The following RFXANK variants were observed in gnomAD, a reference collection of about 807,000 sequenced individuals.
RFXANK encodes DNA-binding protein RFXANK.
In RFXANK, 19 loss-of-function variants were observed where a neutral mutation model predicts 34.5. The ratio of observed to expected loss-of-function variants is 0.55; its 90% CI spans 0.38 to 0.81. The LOEUF (loss-of-function observed/expected upper bound fraction) is 0.81. Ranked by LOEUF, RFXANK falls within the 30% of genes least tolerant of loss-of-function variation. The probability of loss-of-function intolerance (pLI) is 0.00; values close to 1 mark genes in which losing one functional copy is unlikely to be tolerated. For synonymous variants in RFXANK, 154 were observed against 149.8 expected, an observed-to-expected ratio of 1.03 and a Z score of -0.20; for missense variants, 295 against 343.5, an observed-to-expected ratio of 0.86 and a Z score of 1.12.
rs774635371 is a variant in RFXANK at position 19,194,108 on chromosome 19, G to A, written c.162G>A (p.Pro54=). Residue 54 remains proline (P), a synonymous_variant, in exon 3 of 10, where the codon CCG becomes CCA. Transcript: ENST00000303088. ...PCTPEPVNPE[P]DASVSSPQAG... ...CCCCTGAGCCTGTGAATCCTGAACC[G>A]GATGCCAGTGTTTCCTCTCCACAGG... The A allele has an allele frequency of 9.9e-6, 16 of 1,614,156 alleles. No individual in the cohort carries two copies. The highest frequency in any genetic ancestry group is 3.3e-5 in the South Asian group (3 of 91,080).
chr19:19,198,025 AAAGAT>A, intron 6 of RFXANK, 77 bp from the exon 7 acceptor site: 3 of 1,560,752 alleles, frequency 1.9e-6, no homozygotes, highest in East Asian at 4.5e-5. Context: ...AAAAAAAAAA[AAAGAT>A]GCGGCTGCTG....
At position 19,197,560 on chromosome 19, in the gene RFXANK, C is replaced by G; in HGVS notation, c.377C>G (p.Thr126Ser). 5 of 1,613,866 alleles carry G rather than the reference C, an allele frequency of 3.1e-6. No individual in the cohort carries two copies. In the South Asian group the frequency reaches 4.4e-5, roughly 14 times the overall value. The change falls in exon 6 of 10, where the codon ACC (threonine) becomes AGC (serine). Residue 126 changes from threonine to serine, a missense_variant. Thr to Ser is a moderately conservative substitution (Grantham distance 58). Coordinates refer to ENST00000303088, the MANE Select transcript of RFXANK (RefSeq NM_003721.4). ...LVNKPDERGFTPLIWASAFGE... is the reference protein window; with the variant it reads ...LVNKPDERGFSPLIWASAFGE... ...AACAAGCCAGACGAGCGCGGCTTCACCCCCCTCATCTGGGCCTCCGCCTTT... is the reference window on the plus strand; with the variant it reads ...AACAAGCCAGACGAGCGCGGCTTCAGCCCCCTCATCTGGGCCTCCGCCTTT...
At chr19:19,197,100 T>C in intron 4 of RFXANK, 54 bp downstream of exon 4, 1 of 1,611,178 alleles carries the variant, frequency 6.2e-7, no homozygotes, top group Non-Finnish European at 8.5e-7. Context: ...TGGGAGGGCC[T>C]GTGAGGAGCA....
chr19:19,193,290 A>G (rs2060523979), intron 2 of RFXANK, among the ~76,000 whole-genome samples, 190 bp downstream of exon 2: 1 of 151,252 alleles, frequency 6.6e-6, no homozygotes, highest in Non-Finnish European at 1.5e-5. Flanking sequence ...TCATTTCCAC[A>G]TTTTGTCGTG....
intron 8 of RFXANK, chr19:19,198,937 C>A (rs1293337786): frequency 2.7e-6 from 2 of 745,114 alleles, no homozygotes; most frequent in South Asian, 2.9e-5. Flanking sequence ...AGAGGCTAAG[C>A]ACCTCCATCC....
chr19:19,196,686 G>A (rs1003863091), intron 3 of RFXANK, among the ~76,000 whole-genome samples: 7 of 151,962 alleles, frequency 4.6e-5, no homozygotes, highest in Non-Finnish European at 1.0e-4. Flanking sequence ...CCAACATAGC[G>A]AAACCCCGTC....
In RFXANK at chr19:19,197,015, C is replaced by T. The variant is rs754519730; in HGVS notation, c.240C>T (p.Asn80=). 1.2e-5 allele frequency: 19 copies of T among 1,613,554 alleles called. No homozygotes were observed. In the East Asian group the frequency reaches 1.3e-4, roughly 11 times the overall value. ...STTLTNRQRG[N]EVSALPATLD... ...CTCTCACCAACCGGCAGCGAGGGAA[C>T]GAGGTGTCAGCTCTGCCGGCCACCC... is the stretch of plus-strand genomic sequence containing the variant. Residue 80 remains asparagine, a synonymous_variant, in exon 4 of 10, where the codon AAC becomes AAT. Transcript: ENST00000303088.
intron 1 of RFXANK, 44 bp downstream of exon 1, chr19:19,192,598 T>C: frequency 6.2e-6 from 1 of 161,460 alleles, no homozygotes; most frequent in Non-Finnish European, 1.4e-5. Context: ...GTACTTCCCC[T>C]ACTTCTTCTT....
intron 2 of RFXANK, 94 bp from the exon 3 acceptor site, chr19:19,193,845 C>T: frequency 1.2e-5 from 17 of 1,406,140 alleles, no homozygotes; most frequent in Non-Finnish European, 1.7e-5. Flanking sequence ...GTTTACCCAC[C>T]CTCACAGTGC....
intron 8 of RFXANK, 105 bp downstream of exon 8, chr19:19,198,828 G>T (rs1489047965): frequency 3.4e-6 from 4 of 1,169,230 alleles, no homozygotes; most frequent in Non-Finnish European, 5.1e-6. Flanking sequence ...AGAGTTCTTG[G>T]AGCAGGTAGT....
intron 3 of RFXANK, 115 bp from the exon 4 acceptor site, chr19:19,196,848 G>T: frequency 1.0e-6 from 1 of 958,646 alleles, no homozygotes; most frequent in South Asian, 1.3e-5. Context: ...CTGGGGGACA[G>T]ACGGAGACTC....
chr19:19,201,610 T>C, intron 9 of RFXANK, 39 bp from the exon 10 acceptor site: 1 of 1,613,690 alleles, frequency 6.2e-7, no homozygotes, highest in Non-Finnish European at 8.5e-7. Context: ...CCACTCCCGA[T>C]TCAAGCTCAC....
chr19:19,196,617 C>A (rs2060603670), intron 3 of RFXANK, among the ~76,000 whole-genome samples: 1 of 151,816 alleles, frequency 6.6e-6, no homozygotes, highest in Non-Finnish European at 1.5e-5. Context: ...ATAATCCCAG[C>A]ACTTTGGGAG....
intron 2 of RFXANK, among the ~76,000 whole-genome samples, chr19:19,193,468 C>G (rs2060532038): frequency 7.3e-6 from 1 of 137,696 alleles, no homozygotes; most frequent in Non-Finnish European, 1.5e-5. Context: ...GCCCCAGCTA[C>G]AGTGCAGTGG....
chr19:19,200,359 G>C (rs966185751), intron 9 of RFXANK, among the ~76,000 whole-genome samples: 2 of 151,344 alleles, frequency 1.3e-5, no homozygotes, highest in African/African-American at 4.9e-5. Context: ...TATATTTTTA[G>C]TAGAGACGGG....
At position 19,193,304 on chromosome 19, in the gene RFXANK, G is replaced by A. The variant is rs1332967538; in HGVS notation, c.-9+204G>A. 2.6e-5 allele frequency among the ~76,000 whole-genome samples: 4 copies of A among 152,000 alleles called. No individual in the cohort carries two copies. The South Asian group carries it at 8.3e-4, about 32-fold the overall frequency. ...CTCATTTCCACATTTTGTCGTGGAG[G>A]AAACTGAGGCTCAAAGGTTAAGTCA... On this transcript the variant is annotated intron_variant, in intron 2 of 9. Transcript: ENST00000303088.
At chr19:19,198,613 G>A in intron 7 of RFXANK, 44 bp from the exon 8 acceptor site, 8 of 1,604,378 alleles carry the variant, frequency 5.0e-6, no homozygotes, top group Non-Finnish European at 6.8e-6. Context: ...TTGAGAATGA[G>A]GAAGAGGTAA....
intron 2 of RFXANK, 35 bp downstream of exon 2, chr19:19,193,135 G>C (rs1599770901): frequency 6.6e-6 from 1 of 152,298 alleles, no homozygotes; most frequent in South Asian, 2.1e-4. Context: ...TAGGAGGCTC[G>C]GGTGGGACTG....
intron 9 of RFXANK, among the ~76,000 whole-genome samples, chr19:19,199,764 C>T (rs564129165): frequency 2.0e-5 from 3 of 152,092 alleles, no homozygotes; most frequent in Non-Finnish European, 2.9e-5. Flanking sequence ...CTCTCCGTGG[C>T]GGGCAGTGGG....
Sources: gnomAD v4.1 joint callset for allele counts (sites outside exome capture counted in the v4.1 genomes callset) on GRCh38, gnomAD v4.1.1 for gene constraint, MANE v1.5 for transcripts, NCBI Gene and HGNC (gene_info 2026-07-23, HGNC 2026-07-21) for gene names.